The following STX7 variants were observed in gnomAD, a reference collection of about 807,000 sequenced individuals.
The protein encoded by STX7 is syntaxin-7.
In STX7, 34 loss-of-function variants were observed where a neutral mutation model predicts 39.6. The ratio of observed to expected loss-of-function variants is 0.86; its 90% CI spans 0.65 to 1.14. STX7 has a LOEUF of 1.14. Ranked by LOEUF, STX7 falls within the 50% of genes most tolerant of loss-of-function variation. The pLI is 0.00. For missense variants in STX7, 284 were observed against 310.4 expected (o/e 0.92, Z 0.64); for synonymous variants, 119 against 99.1 (o/e 1.20, Z -1.19).
At chr6:132,470,187 A>G (rs1165700764) in intron 6 of STX7, 140 bp from the exon 7 acceptor site, 3 of 519,344 alleles carry the variant, frequency 5.8e-6, no homozygotes, top group Admixed American at 8.3e-5. Flanking sequence ...AATTCTAAGA[A>G]TATAACAGAT....
intron 2 of STX7, among the ~76,000 whole-genome samples, chr6:132,484,512 C>T (rs544935419): frequency 1.3e-5 from 2 of 152,242 alleles, no homozygotes; most frequent in Admixed American, 6.5e-5. Flanking sequence ...CAGGCTGTGG[C>T]GGCATGGCAG....
chr6:132,484,488 C>A (rs1775082692), intron 2 of STX7, among the ~76,000 whole-genome samples: 1 of 152,170 alleles, frequency 6.6e-6, no homozygotes, highest in Non-Finnish European at 1.5e-5. Context: ...TGCTGTCTGA[C>A]AAATGAGACT....
At chr6:132,471,366 G>C in intron 5 of STX7, 97 bp downstream of exon 5, 1 of 1,337,340 alleles carries the variant, frequency 7.5e-7, no homozygotes, top group Non-Finnish European at 1.0e-6. Flanking sequence ...GATATTCACA[G>C]ATCTTTATGA....
rs954402221 is a variant in STX7, at chr6:132,449,825, C to T, written c.*10933G>A. ...TATTCTACTTCTGCTAATTGCAATA[C>T]CTGAATTCCTTGAATATCTAAATCT... On this transcript the variant is annotated 3_prime_UTR_variant, in exon 10 of 10. Transcript: ENST00000367941. 6.6e-6 allele frequency: 1 copy of T among 152,140 alleles called. No individual in the cohort carries two copies. Among genetic ancestry groups the T allele is most frequent in the African/African-American group, 2.4e-5 (1 of 41,416 alleles). 9.4% of individuals were successfully genotyped at this position (152,140 alleles called of 1,614,324 possible).
chr6:132,483,370 A>G (rs573444576), intron 2 of STX7, among the ~76,000 whole-genome samples: 18 of 152,298 alleles, frequency 1.2e-4, no homozygotes, highest in Non-Finnish European at 2.5e-4. Flanking sequence ...TTCCATGGTT[A>G]GTTGAATCCA....
rs575545528 is a variant in STX7 at position 132,451,146 on chromosome 6, GGAGTACAGTGGTGC to G, written c.*9598_*9611del. The G allele has an allele frequency of 1.9e-3, 280 of 148,438 alleles. No individual in the cohort carries two copies. The highest frequency in any genetic ancestry group is 6.8e-3 in the African/African-American group (270 of 39,772). The allele number at this position is 148,438 out of a possible 1,614,324, so 9.2% of individuals were successfully genotyped here. ...GGAGTCTCGTTCTGTTGCTCAGACT[GGAGTACAGTGGTGC>G]GATCTCAGCTCACTGTAATCTCCGC... is the stretch of plus-strand genomic sequence containing the variant. On this transcript the variant is annotated 3_prime_UTR_variant, in exon 10 of 10. Transcript: ENST00000367941.
chr6:132,483,481 T>C (rs781632385), intron 2 of STX7, among the ~76,000 whole-genome samples: 3 of 152,212 alleles, frequency 2.0e-5, no homozygotes, highest in Non-Finnish European at 4.4e-5. Context: ...AACATGCATG[T>C]ACACTGAGTT....
At chr6:132,464,192 G>T in intron 8 of STX7, 117 bp from the exon 9 acceptor site, 2 of 1,011,892 alleles carry the variant, frequency 2.0e-6, no homozygotes, top group Non-Finnish European at 1.5e-6. Flanking sequence ...AAGGTTAATA[G>T]TAGTATATCA....
chr6:132,481,127 G>T (rs1477009242), intron 2 of STX7, among the ~76,000 whole-genome samples: 1 of 152,144 alleles, frequency 6.6e-6, no homozygotes, highest in Non-Finnish European at 1.5e-5. Flanking sequence ...TTGCATGAGG[G>T]ATAGCAGCAG....
chr6:132,480,694 C>T (rs935955378), intron 2 of STX7, among the ~76,000 whole-genome samples: 4 of 152,158 alleles, frequency 2.6e-5, no homozygotes, highest in African/African-American at 9.7e-5. Context: ...AGCCTGTGAG[C>T]AGGAGCAACA....
chr6:132,452,031 GA>G lies in STX7; in HGVS notation c.*8726del, dbSNP rs1562315837. 6.6e-6 allele frequency: 1 copy of G among 152,014 alleles called. No individual in the cohort carries two copies. The highest frequency in any genetic ancestry group is 1.5e-5 in the Non-Finnish European group (1 of 67,990). 9.4% of individuals were successfully genotyped at this position (152,014 alleles called of 1,614,324 possible). A position where few individuals can be genotyped will look rare whatever the true frequency, so the allele number is the denominator to read the frequency against. ...AAAAGAATTAAGCTATATATACAAAGATACACCACGACCAAGTGGAGTTTAT... is the reference window on the plus strand; with the variant it reads ...AAAAGAATTAAGCTATATATACAAAGTACACCACGACCAAGTGGAGTTTAT... On this transcript the variant is annotated 3_prime_UTR_variant, in exon 10 of 10. Transcript: ENST00000367941.
At chr6:132,481,703 A>G (rs1456164345) in intron 2 of STX7, among the ~76,000 whole-genome samples, 3 of 152,198 alleles carry the variant, frequency 2.0e-5, no homozygotes, top group Admixed American at 2.0e-4. Flanking sequence ...AAGGCCCCCT[A>G]CACTTATGCA....
At chr6:132,495,557 C>T (rs578134582) in intron 2 of STX7, among the ~76,000 whole-genome samples, 1 of 152,192 alleles carries the variant, frequency 6.6e-6, no homozygotes, top group African/African-American at 2.4e-5. Context: ...AGGAAACATT[C>T]TTAATTCCTG....
At chr6:132,499,577 C>G (rs1467179889) in intron 2 of STX7, among the ~76,000 whole-genome samples, 2 of 152,138 alleles carry the variant, frequency 1.3e-5, no homozygotes, top group African/African-American at 2.4e-5. Context: ...AGAGATAATG[C>G]CTCACTCATT....
At chr6:132,462,126 G>A (rs1029857538) in intron 9 of STX7, among the ~76,000 whole-genome samples, 2 of 152,156 alleles carry the variant, frequency 1.3e-5, no homozygotes, top group African/African-American at 2.4e-5. Flanking sequence ...GAGTCATCAC[G>A]GGTATCCCAC....
intron 1 of STX7, among the ~76,000 whole-genome samples, chr6:132,509,455 AACAT>A (rs1562343425): frequency 0.09 from 407 of 4,516 alleles, 11 homozygotes; most frequent in Admixed American, 0.32. Context: ...GTCTCAAAAT[AACAT>A]AACATAACAT....
intron 1 of STX7, among the ~76,000 whole-genome samples, chr6:132,508,359 CACTT>C (rs1310145941): frequency 5.0e-4 from 76 of 152,318 alleles, no homozygotes; most frequent in African/African-American, 1.8e-3. Flanking sequence ...GAAAATCAAT[CACTT>C]AGTCACAAAC....
chr6:132,446,272 T>A lies in STX7; in HGVS notation c.*14486A>T, dbSNP rs780184925. ...TGAGTTGGTCTGATCATTCATCTTC[T>A]CGAGGCCAAGTACTTGGTCTGAACA... On this transcript the variant is annotated 3_prime_UTR_variant, in exon 10 of 10. Coordinates refer to ENST00000367941, the MANE Select transcript of STX7 (RefSeq NM_003569.3). 5 of 152,192 alleles carry A rather than the reference T, an allele frequency of 3.3e-5. No homozygotes were observed. The highest frequency in any genetic ancestry group is 7.4e-5 in the Non-Finnish European group (5 of 68,024). 9.4% of individuals were successfully genotyped at this position (152,192 alleles called of 1,614,324 possible). A position where few individuals can be genotyped will look rare whatever the true frequency, so the allele number is the denominator to read the frequency against.
At position 132,460,687 on chromosome 6, in the gene STX7, A is replaced by G. The variant is rs564364296; in HGVS notation, c.*71T>C. The G allele has an allele frequency of 8.2e-7, 1 of 1,213,950 alleles. No individual in the cohort carries two copies. Among genetic ancestry groups the G allele is most frequent in the Non-Finnish European group, 1.2e-6 (1 of 850,748 alleles). 75.2% of individuals were successfully genotyped at this position (1,213,950 alleles called of 1,614,324 possible). ...ACAATAGCTTTAAAATAATAATTAAAAAAACATGATTACAGGAATCTTCCT... is the reference window on the plus strand; with the variant it reads ...ACAATAGCTTTAAAATAATAATTAAGAAAACATGATTACAGGAATCTTCCT... On this transcript the variant is annotated 3_prime_UTR_variant, in exon 10 of 10. Transcript: ENST00000367941.
Sources: gnomAD v4.1 joint callset for allele counts (sites outside exome capture counted in the v4.1 genomes callset) on GRCh38, gnomAD v4.1.1 for gene constraint, MANE v1.5 for transcripts, NCBI Gene and HGNC (gene_info 2026-07-23, HGNC 2026-07-21) for gene names.